Variants in DPY19L1 observed in about 807,000 individuals in gnomAD.
DPY19L1 encodes the protein dpy-19 like C-mannosyltransferase 1.
A neutral mutation model predicts 96.9 loss-of-function variants in DPY19L1; 35 were observed. That is an observed-to-expected ratio of 0.36 (90% CI 0.28 to 0.48). The LOEUF (loss-of-function observed/expected upper bound fraction) is 0.48. Ranked by LOEUF, DPY19L1 falls within the 20% of genes least tolerant of loss-of-function variation. The probability of loss-of-function intolerance (pLI) is 0.99; values close to 1 mark genes in which losing one functional copy is unlikely to be tolerated. For missense variants in DPY19L1, 521 were observed against 777.9 expected, an observed-to-expected ratio of 0.67 and a Z score of 3.93; for synonymous variants, 205 against 252.6, an observed-to-expected ratio of 0.81 and a Z score of 1.79.
Position 34,929,378 on chromosome 7 carries a change from G to A in DPY19L1, c.*2195C>T, listed in dbSNP as rs758135632. The A allele has an allele frequency of 6.6e-6, 1 of 152,106 alleles. No homozygotes were observed. The highest frequency in any genetic ancestry group is 6.5e-5 in the Admixed American group (1 of 15,274). The allele number at this position is 152,106 out of a possible 1,614,324, so 9.4% of individuals were successfully genotyped here. A position where few individuals can be genotyped will look rare whatever the true frequency, so the allele number is the denominator to read the frequency against. ...CCCTAATATATAGCCATATTTTGCT[G>A]GGGGTTACATTCATAAACACTGCTA... On this transcript the variant is annotated 3_prime_UTR_variant, in exon 22 of 22. Coordinates refer to ENST00000638088, the MANE Select transcript of DPY19L1 (RefSeq NM_001366673.1).
At chr7:34,989,817 A>C (rs1371319353) in intron 7 of DPY19L1, 67 bp downstream of exon 7, 1 of 1,278,198 alleles carries the variant, frequency 7.8e-7, no homozygotes, top group Non-Finnish European at 1.1e-6. Context: ...ATGCCATTAT[A>C]GATTAAATTT....
chr7:35,000,762 A>G (rs1383924356), intron 6 of DPY19L1: 2 of 152,372 alleles, frequency 1.3e-5, no homozygotes, highest in East Asian at 1.9e-4. Context: ...AAGAGAACGG[A>G]AAGTCTAGAT....
chr7:34,997,201 T>C (rs1262338845), intron 6 of DPY19L1, among the ~76,000 whole-genome samples: 4 of 151,480 alleles, frequency 2.6e-5, no homozygotes, highest in Non-Finnish European at 5.9e-5. Flanking sequence ...TTATGCATAC[T>C]AAATAAAAAT....
intron 1 of DPY19L1, among the ~76,000 whole-genome samples, chr7:35,019,082 T>TA (rs1276892516): frequency 1.3e-5 from 2 of 151,780 alleles, no homozygotes; most frequent in Non-Finnish European, 2.9e-5. Flanking sequence ...GAAGAAAAGG[T>TA]AAGAGAGAGA....
intron 1 of DPY19L1, among the ~76,000 whole-genome samples, chr7:35,019,981 A>G (rs867608725): frequency 1.3e-5 from 2 of 152,130 alleles, no homozygotes; most frequent in Non-Finnish European, 2.9e-5. Context: ...TAACACAGCA[A>G]GATCAGGTCT....
intron 10 of DPY19L1, among the ~76,000 whole-genome samples, chr7:34,963,109 C>T (rs970097111): frequency 3.7e-4 from 55 of 148,636 alleles, no homozygotes; most frequent in African/African-American, 1.3e-3. Context: ...GCAGGAGAAT[C>T]GCTTGAACCC....
chr7:34,987,974 TC>T (rs540636070), intron 7 of DPY19L1: 64 of 152,110 alleles, frequency 4.2e-4, no homozygotes, highest in African/African-American at 1.5e-3. Context: ...GTTTACCTTT[TC>T]CTAAAAAAGT....
intron 2 of DPY19L1, among the ~76,000 whole-genome samples, chr7:35,018,248 G>T (rs1285948396): frequency 6.6e-6 from 1 of 152,026 alleles, no homozygotes; most frequent in Non-Finnish European, 1.5e-5. Flanking sequence ...AAATGTCATT[G>T]GGTTACCATT....
intron 8 of DPY19L1, among the ~76,000 whole-genome samples, chr7:34,969,753 A>G (rs1784686155): frequency 6.6e-6 from 1 of 152,232 alleles, no homozygotes; most frequent in South Asian, 2.1e-4. Flanking sequence ...CACAGAGAGA[A>G]GGAGGGTGGG....
intron 1 of DPY19L1, among the ~76,000 whole-genome samples, chr7:35,027,636 C>T (rs1786156604): frequency 7.2e-6 from 1 of 137,990 alleles, no homozygotes; most frequent in African/African-American, 2.6e-5. Flanking sequence ...TCGAAACCAT[C>T]CCCGGCCAAC....
intron 7 of DPY19L1, among the ~76,000 whole-genome samples, chr7:34,983,551 A>AGGGG (rs1554356787): frequency 7.5e-6 from 1 of 133,030 alleles, no homozygotes; most frequent in East Asian, 2.5e-4. Flanking sequence ...AGGGAAGAAG[A>AGGGG]GAGGGAGGGA....
rs754983012 is a variant in DPY19L1, at chr7:34,966,982, A to G, written c.1015-11T>C. 15 of 1,511,054 alleles carry G rather than the reference A, an allele frequency of 9.9e-6. No homozygotes were observed. Among genetic ancestry groups the G allele is most frequent in the Non-Finnish European group, 1.3e-5 (15 of 1,128,400 alleles). 93.6% of individuals were successfully genotyped at this position (1,511,054 alleles called of 1,614,324 possible). On this transcript the variant is annotated splice_polypyrimidine_tract_variant and intron_variant, in intron 9 of 21. Coordinates refer to ENST00000638088, the MANE Select transcript of DPY19L1 (RefSeq NM_001366673.1). ...AAATAATGATGCAATCTGAAATTTA[A>G]AAAGAAATTAGAAGTAAAAAAGATA...
intron 1 of DPY19L1, among the ~76,000 whole-genome samples, chr7:35,025,809 C>T (rs1436172707): frequency 6.6e-6 from 1 of 152,164 alleles, no homozygotes; most frequent in Non-Finnish European, 1.5e-5. Flanking sequence ...TCCCTGGGGC[C>T]AGTAACCTCC....
chr7:35,034,269 T>C (rs778508423), intron 1 of DPY19L1, among the ~76,000 whole-genome samples: 26 of 152,220 alleles, frequency 1.7e-4, no homozygotes, highest in African/African-American at 4.1e-4. Flanking sequence ...ATTGTTTCCA[T>C]GACGGAGCAC....
chr7:34,972,407 CAGATCGGATCAGTG>C (rs1784742337), intron 8 of DPY19L1, among the ~76,000 whole-genome samples: 1 of 152,196 alleles, frequency 6.6e-6, no homozygotes, highest in South Asian at 2.1e-4. Flanking sequence ...CACTTAGGGA[CAGATCGGATCAGTG>C]AGTGAAAGAA....
At chr7:35,038,007 G>A, upstream of DPY19L1, 1 of 969,420 alleles carries the variant, frequency 1.0e-6, no homozygotes, top group Non-Finnish European at 1.3e-6. Context: ...GACGCGGCGG[G>A]GCAGGGAGAA....
chr7:35,035,903 G>C (rs969566976), intron 1 of DPY19L1, among the ~76,000 whole-genome samples: 1 of 121,506 alleles, frequency 8.2e-6, no homozygotes, highest in African/African-American at 2.9e-5. Flanking sequence ...GCTTGCTACT[G>C]AGATAAAAAA....
intron 8 of DPY19L1, among the ~76,000 whole-genome samples, chr7:34,972,650 A>C (rs1784748128): frequency 6.6e-6 from 1 of 152,204 alleles, no homozygotes; most frequent in Non-Finnish European, 1.5e-5. Context: ...ACCATTGCTC[A>C]AGATGCCTCA....
At chr7:35,007,590 T>TG (rs950762075) in intron 6 of DPY19L1, among the ~76,000 whole-genome samples, 6 of 127,732 alleles carry the variant, frequency 4.7e-5, no homozygotes, top group Non-Finnish European at 6.7e-5. Context: ...ACACGTGTGG[T>TG]GTGTGTGTGT....
Sources: allele counts gnomAD v4.1 joint callset (sites outside exome capture counted in the v4.1 genomes callset), GRCh38; gene constraint gnomAD v4.1.1; transcripts MANE v1.5; gene names NCBI Gene and HGNC (gene_info 2026-07-23, HGNC 2026-07-21).